Variants in TMEM43 observed in about 807,000 individuals in gnomAD.
TMEM43 encodes the protein transmembrane protein 43, also known as arrhythmogenic right ventricular dysplasia 5.
Under a neutral mutation model 49.6 loss-of-function variants are expected in TMEM43, and 45 were observed. That is an observed-to-expected ratio of 0.91 (90% confidence interval 0.71 to 1.16). The LOEUF is 1.16. TMEM43 is among the 50% of genes most tolerant of loss of function. TMEM43 has a pLI of 0.00. For synonymous variants in TMEM43, 199 were observed against 207.8 expected, an observed-to-expected ratio of 0.96 and a Z score of 0.36; for missense variants, 532 against 516.6, an observed-to-expected ratio of 1.03 and a Z score of -0.29.
intron 4 of TMEM43, 25 bp from the exon 5 acceptor site, chr3:14,132,521 C>G (rs200679654): frequency 1.2e-6 from 2 of 1,613,908 alleles, no homozygotes; most frequent in Non-Finnish European, 1.7e-6. Flanking sequence ...GGCTAACCCC[C>G]GTGGCTGCTT....
Position 14,139,235 on chromosome 3 carries a change from C to T in TMEM43, c.938C>T (p.Ala313Val), listed in dbSNP as rs1414806628. 6.2e-7 allele frequency: 1 copy of T among 1,614,200 alleles called. No homozygotes were observed. Among genetic ancestry groups the T allele is most frequent in the African/African-American group, 1.3e-5 (1 of 75,052 alleles). Residue 313 changes from alanine to valine, a missense_variant, in exon 11 of 12, where the codon GCA (alanine) becomes GTA (valine). Coordinates refer to ENST00000306077, the MANE Select transcript of TMEM43 (RefSeq NM_024334.3). The stretch of plus-strand genomic sequence containing the variant: ...TCCATGAAGACCTGGGGCCTGCGGG[C>T]AGCTGGCTGGATGGCCATGTTCATG... ...SNSMKTWGLR[A>V]AGWMAMFMGL...
At position 14,133,817 on chromosome 3, in the gene TMEM43, T is replaced by A. The variant is rs377518739; in HGVS notation, c.583+8T>A. 1.9e-6 allele frequency: 3 copies of A among 1,613,912 alleles called. No homozygotes were observed. In the African/African-American group the frequency reaches 4.0e-5, roughly 22 times the overall value. ...GGTTTTTCCTCTCGTCAGGTAAGTC[T>A]CAGGCCTCTCCAGAGGAGCTCGTGC... On this transcript the variant is annotated splice_region_variant and intron_variant, in intron 7 of 11. Transcript: ENST00000306077.
At position 14,139,267 on chromosome 3, in the gene TMEM43, A is replaced by G. The variant is rs1365389365; in HGVS notation, c.970A>G (p.Asn324Asp). The G allele has an allele frequency of 3.1e-6, 5 of 1,614,046 alleles. No homozygotes were observed. Among genetic ancestry groups the G allele is most frequent in the Non-Finnish European group, 4.2e-6 (5 of 1,179,936 alleles). Residue 324 changes from asparagine (N) to aspartate (D), a missense_variant, in exon 11 of 12, where the codon AAC becomes GAC. Asn to Asp is a conservative substitution (Grantham distance 23). Coordinates refer to ENST00000306077, the MANE Select transcript of TMEM43 (RefSeq NM_024334.3). ...AGWMAMFMGL[N>D]LMTRILYTLV... The stretch of plus-strand genomic sequence containing the variant: ...CTGGATGGCCATGTTCATGGGCCTC[A>G]ACCTTATGACACGGATCCTCTACAC...
intron 9 of TMEM43, 31 bp downstream of exon 9, chr3:14,135,263 G>T: frequency 6.3e-7 from 1 of 1,587,832 alleles, no homozygotes. Flanking sequence ...CAGACACTAA[G>T]TCAGAGCCTC....
intron 1 of TMEM43, chr3:14,129,040 C>T: frequency 2.3e-6 from 1 of 441,774 alleles, no homozygotes; most frequent in South Asian, 1.6e-5. Context: ...AGTTGGTGCC[C>T]TGATTCCATT....
chr3:14,128,781 C>T (rs1352184637), intron 1 of TMEM43: 4 of 290,128 alleles, frequency 1.4e-5, no homozygotes, highest in Non-Finnish European at 2.7e-5. Flanking sequence ...TAGGTATATT[C>T]CTACGGGAAA....
At chr3:14,125,266 C>G in intron 1 of TMEM43, 61 bp downstream of exon 1, 1 of 1,563,418 alleles carries the variant, frequency 6.4e-7, no homozygotes, top group Admixed American at 1.9e-5. Flanking sequence ...GGGGCTTTTC[C>G]CCGGGGTCCT....
intron 1 of TMEM43, among the ~76,000 whole-genome samples, chr3:14,125,753 T>A (rs543946043): frequency 6.6e-6 from 1 of 151,646 alleles, no homozygotes. Flanking sequence ...AGCGAAGGAG[T>A]TGGGGGAGAG....
Position 14,125,258 on chromosome 3 carries a change from G to A in TMEM43, c.12+53G>A, listed in dbSNP as rs1436288537. The stretch of plus-strand genomic sequence containing the variant: ...CACCCAGGCTTCCCCGTCGCCCTGG[G>A]GCTTTTCCCCGGGGTCCTCTAGGTC... On this transcript the variant is annotated intron_variant, in intron 1 of 11. Transcript: ENST00000306077. The A allele has an allele frequency of 4.7e-5, 74 of 1,575,572 alleles. No homozygotes were observed. The East Asian group carries it at 1.6e-3, about 35-fold the overall frequency.
rs1383065109 is a variant in TMEM43 at position 14,142,347 on chromosome 3, C to A, written c.*552C>A. 2 of 163,822 alleles carry A rather than the reference C, an allele frequency of 1.2e-5. No homozygotes were observed. The highest frequency in any genetic ancestry group is 2.4e-5 in the African/African-American group (1 of 41,680). 10.1% of individuals were successfully genotyped at this position (163,822 alleles called of 1,614,324 possible). ...CCAAAACACAAGTCTGTGGCTAGAA[C>A]CTGATGTGGTGTTTAAAAGAGAAGA... On this transcript the variant is annotated 3_prime_UTR_variant, in exon 12 of 12. Coordinates refer to ENST00000306077, the MANE Select transcript of TMEM43 (RefSeq NM_024334.3).
At chr3:14,131,073 G>T in intron 3 of TMEM43, 117 bp downstream of exon 3, 1 of 1,318,014 alleles carries the variant, frequency 7.6e-7, no homozygotes, top group Non-Finnish European at 1.0e-6. Context: ...AGTGATTCCC[G>T]ACTTTACCAC....
Position 14,129,463 on chromosome 3 carries a change from C to T in TMEM43, c.64C>T (p.Gln22Ter), listed in dbSNP as rs1695063853. ...REHVKVKTSSQPGFLERLSET... is the reference protein window; with the variant it reads ...REHVKVKTSS Reference sequence around the variant, plus strand: ...ACATGTCAAAGTTAAAACCAGCTCCCAGCCAGGCTTCCTGGAACGGCTGAG... The same window carrying T: ...ACATGTCAAAGTTAAAACCAGCTCCTAGCCAGGCTTCCTGGAACGGCTGAG... Residue 22 changes from glutamine (Q) to a stop codon, truncating the protein, a stop_gained, in exon 2 of 12, where the codon CAG (glutamine) becomes TAG (stop). Transcript: ENST00000306077. LOFTEE classifies it high-confidence loss of function. The T allele has an allele frequency of 1.9e-6, 3 of 1,614,058 alleles. No homozygotes were observed. The highest frequency in any genetic ancestry group is 2.5e-6 in the Non-Finnish European group (3 of 1,180,010).
At chr3:14,131,089 A>T in intron 3 of TMEM43, 133 bp downstream of exon 3, 6 of 1,130,280 alleles carry the variant, frequency 5.3e-6, no homozygotes, top group Non-Finnish European at 7.5e-6. Context: ...ACCACTCAGC[A>T]GCTGTGTGGA....
chr3:14,129,180 A>G, intron 1 of TMEM43: 1 of 438,626 alleles, frequency 2.3e-6, no homozygotes, highest in South Asian at 2.1e-5. Context: ...GCACAAAGAA[A>G]CTTTTTGGGG....
chr3:14,131,865 G>A lies in TMEM43; in HGVS notation c.392+191G>A, dbSNP rs73817814. 3.5e-3 allele frequency among the ~76,000 whole-genome samples: 531 copies of A among 152,350 alleles called. 3 individuals are homozygous for A. Among genetic ancestry groups the A allele is most frequent in the African/African-American group, 0.012 (498 of 41,578 alleles). On this transcript the variant is annotated intron_variant, in intron 4 of 11. Transcript: ENST00000306077. ...AAGTGGCAAAAATCCAGTGAAGAGT[G>A]GCTCCAGGAGGAAAGGGGGATTGAG...
At chr3:14,129,748 G>T (rs141780849) in intron 2 of TMEM43, among the ~76,000 whole-genome samples, 187 bp downstream of exon 2, 127 of 152,330 alleles carry the variant, frequency 8.3e-4, no homozygotes, top group Non-Finnish European at 1.6e-3. Flanking sequence ...GCAGGAAGGG[G>T]AGTAGATCAG....
At position 14,132,867 on chromosome 3, in the gene TMEM43, C is replaced by T; in HGVS notation, c.444C>T (p.Asn148=). 1 of 1,614,064 alleles carries T rather than the reference C, an allele frequency of 6.2e-7. No individual in the cohort carries two copies. Residue 148 remains asparagine (N), a splice_region_variant and synonymous_variant, in exon 6 of 12, where the codon AAC becomes AAT. Transcript: ENST00000306077. ...GAGTTGATTCCTCTCCCTGAGCAGACACTGAATGGAGGTCAGAAATCATCA... is the reference window on the plus strand; with the variant it reads ...GAGTTGATTCCTCTCCCTGAGCAGATACTGAATGGAGGTCAGAAATCATCA... The part of the protein sequence containing the change: ...QVKKETRYSY[N]TEWRSEIINS...
At chr3:14,139,347 C>G (rs768093672) in intron 11 of TMEM43, 50 bp downstream of exon 11, 20 of 1,294,894 alleles carry the variant, frequency 1.5e-5, no homozygotes, top group Middle Eastern at 3.7e-4. Flanking sequence ...CTGAAAGGGC[C>G]TCCTCTGCCT....
intron 2 of TMEM43, 50 bp from the exon 3 acceptor site, chr3:14,130,772 T>C (rs1372151103): frequency 6.2e-7 from 1 of 1,602,814 alleles, no homozygotes; most frequent in Non-Finnish European, 8.5e-7. Flanking sequence ...AGCACAGTCA[T>C]GCTGAGCCAC....
Sources: allele counts gnomAD v4.1 joint callset (sites outside exome capture counted in the v4.1 genomes callset), GRCh38; gene constraint gnomAD v4.1.1; transcripts MANE v1.5; gene names NCBI Gene and HGNC (gene_info 2026-07-23, HGNC 2026-07-21).